The following CCDC85C variants were observed in gnomAD, a reference collection of about 807,000 sequenced individuals.
CCDC85C encodes the protein coiled-coil domain-containing protein 85C.
CCDC85C carries 18 observed loss-of-function variants against 38.3 expected under a neutral mutation model. The observed-to-expected ratio is 0.47, with a 90% CI of 0.33 to 0.70. The LOEUF (loss-of-function observed/expected upper bound fraction) is 0.70. CCDC85C is among the 30% of genes least tolerant of loss of function. The pLI is 0.03. For missense variants in CCDC85C, 566 were observed against 621.2 expected (o/e 0.91, Z 0.94); for synonymous variants, 264 against 293.8 (o/e 0.90, Z 1.04).
chr14:99,570,701 T>C (rs959764540), intron 1 of CCDC85C, among the ~76,000 whole-genome samples: 7 of 152,090 alleles, frequency 4.6e-5, no homozygotes, highest in Admixed American at 1.3e-4. Context: ...ATTCTCCTTA[T>C]CTAGATATTC....
rs1211339490 is a variant in CCDC85C, at chr14:99,503,717, GT to G, written c.*11528del. 6.7e-6 allele frequency: 9 copies of G among 1,333,962 alleles called. No individual in the cohort carries two copies. The highest frequency in any genetic ancestry group is 9.3e-6 in the Non-Finnish European group (9 of 962,780). 82.6% of individuals were successfully genotyped at this position (1,333,962 alleles called of 1,614,324 possible). ...AAACTTTAAATTCTTAGCCAACATT[GT>G]TTCTTTTCAGATCTAAATTGGCCTT... On this transcript the variant is annotated 3_prime_UTR_variant, in exon 6 of 6. Coordinates refer to ENST00000380243, the MANE Select transcript of CCDC85C (RefSeq NM_001144995.2).
At chr14:99,536,503 C>T (rs190391181) in intron 1 of CCDC85C, among the ~76,000 whole-genome samples, 4 of 152,184 alleles carry the variant, frequency 2.6e-5, no homozygotes, top group Admixed American at 6.5e-5. Flanking sequence ...ACAGCCAGGG[C>T]ACAGCCCACC....
At chr14:99,518,944 C>T (rs1465925630) in intron 3 of CCDC85C, among the ~76,000 whole-genome samples, 1 of 152,108 alleles carries the variant, frequency 6.6e-6, no homozygotes. Context: ...CAGGGCATTC[C>T]CGGGGTGCAG....
Position 99,510,714 on chromosome 14 carries a change from C to A in CCDC85C, c.*4532G>T. On this transcript the variant is annotated 3_prime_UTR_variant, in exon 6 of 6. Coordinates refer to ENST00000380243, the MANE Select transcript of CCDC85C (RefSeq NM_001144995.2). ...CCCCCCTGGAGGACAGCCTCCTGTG[C>A]CCCCGCCCATTCCCCCACCCGGCAT... The A allele has an allele frequency of 1.4e-6, 2 of 1,416,414 alleles. No homozygotes were observed. The highest frequency in any genetic ancestry group is 1.8e-6 in the Non-Finnish European group (2 of 1,083,886). 87.7% of individuals were successfully genotyped at this position (1,416,414 alleles called of 1,614,324 possible).
rs1897018899 is a variant in CCDC85C at position 99,508,029 on chromosome 14, C to T, written c.*7217G>A. ...GGTCGATACTCCGGAGGCTTCCAAG[C>T]CTCTGTCAGCAGCTCCTCCAGCCTG... On this transcript the variant is annotated 3_prime_UTR_variant, in exon 6 of 6. Transcript: ENST00000380243. 6.6e-6 allele frequency: 1 copy of T among 152,262 alleles called. No homozygotes were observed. Among genetic ancestry groups the T allele is most frequent in the Admixed American group, 6.5e-5 (1 of 15,288 alleles). 9.4% of individuals were successfully genotyped at this position (152,262 alleles called of 1,614,324 possible). A position where few individuals can be genotyped will look rare whatever the true frequency, so the allele number is the denominator to read the frequency against.
rs1896872592 is a variant in CCDC85C at position 99,502,932 on chromosome 14, C to T, written c.*12314G>A. The T allele has an allele frequency of 1.2e-6, 2 of 1,613,774 alleles. No individual in the cohort carries two copies. The highest frequency in any genetic ancestry group is 1.7e-5 in the Admixed American group (1 of 60,004). ...CAGCAGCAGCAGCCAGCCCAACAGC[C>T]CAAGAAACCCTCTCCGCAGCCCAGT... On this transcript the variant is annotated 3_prime_UTR_variant, in exon 6 of 6. Transcript: ENST00000380243.
intron 2 of CCDC85C, chr14:99,522,495 A>G: frequency 2.9e-6 from 1 of 341,672 alleles, no homozygotes; most frequent in East Asian, 5.8e-5. Context: ...GAATAAACAG[A>G]ATGAATGAAT....
intron 2 of CCDC85C, chr14:99,522,504 A>C: frequency 3.1e-6 from 1 of 325,120 alleles, no homozygotes; most frequent in Non-Finnish European, 5.6e-6. Context: ...GAATGAATGA[A>C]TGAATGAAGA....
At chr14:99,549,061 C>T (rs1330951500) in intron 1 of CCDC85C, among the ~76,000 whole-genome samples, 1 of 152,158 alleles carries the variant, frequency 6.6e-6, no homozygotes, top group Non-Finnish European at 1.5e-5. Flanking sequence ...GGATGACACA[C>T]AGGGTGCCTC....
At position 99,500,758 on chromosome 14, in the gene CCDC85C, AT is replaced by A; in HGVS notation, c.*14487del. On this transcript the variant is annotated 3_prime_UTR_variant, in exon 6 of 6. Transcript: ENST00000380243. ...ATTACTGTCCTAACATTTGTGATTG[AT>A]TTTTAGGAGGAAGTAATGGTTCTGG... 1 of 1,531,310 alleles carries A rather than the reference AT, an allele frequency of 6.5e-7. No homozygotes were observed. Among genetic ancestry groups the A allele is most frequent in the Non-Finnish European group, 8.9e-7 (1 of 1,125,844 alleles). The allele number at this position is 1,531,310 out of a possible 1,614,324, so 94.9% of individuals were successfully genotyped here. A position where few individuals can be genotyped will look rare whatever the true frequency, so the allele number is the denominator to read the frequency against.
At chr14:99,583,026 G>A (rs1048252266) in intron 1 of CCDC85C, 4 of 152,154 alleles carry the variant, frequency 2.6e-5, no homozygotes, top group Non-Finnish European at 5.9e-5. Flanking sequence ...AGGCTGGTCT[G>A]AGTGCAGTGG....
Position 99,545,532 on chromosome 14 carries a change from G to A in CCDC85C, c.794-9444C>T, listed in dbSNP as rs2139930782. Reference sequence around the variant, plus strand: ...GAATTCCTTCCCTGTGCCTTCAAGGGCTGCACGCATCTGGAAATTGACCTG... The same window carrying A: ...GAATTCCTTCCCTGTGCCTTCAAGGACTGCACGCATCTGGAAATTGACCTG... On this transcript the variant is annotated intron_variant, in intron 1 of 5. Coordinates refer to ENST00000380243, the MANE Select transcript of CCDC85C (RefSeq NM_001144995.2). The surrounding 1 kb of genome is among the most constrained non-coding windows in gnomAD (Gnocchi z 4.7). 2.6e-5 allele frequency among the ~76,000 whole-genome samples: 4 copies of A among 152,268 alleles called. No individual in the cohort carries two copies. In the Middle Eastern group the frequency reaches 0.014, roughly 518 times the overall value.
chr14:99,559,488 C>T (rs888613323), intron 1 of CCDC85C, among the ~76,000 whole-genome samples: 2 of 151,684 alleles, frequency 1.3e-5, no homozygotes, highest in Non-Finnish European at 2.9e-5. Flanking sequence ...AGACACACTT[C>T]GTCACCCACC....
intron 3 of CCDC85C, among the ~76,000 whole-genome samples, chr14:99,518,812 G>A (rs914477425): frequency 6.6e-6 from 1 of 152,208 alleles, no homozygotes; most frequent in Non-Finnish European, 1.5e-5. Flanking sequence ...GGAGCGTGGG[G>A]GTGGGCTGTG....
At position 99,517,195 on chromosome 14, in the gene CCDC85C, A is replaced by G; in HGVS notation, c.976-12T>C. 6.5e-7 allele frequency: 1 copy of G among 1,531,330 alleles called. No individual in the cohort carries two copies. Among genetic ancestry groups the G allele is most frequent in the Non-Finnish European group, 8.8e-7 (1 of 1,135,654 alleles). 94.9% of individuals were successfully genotyped at this position (1,531,330 alleles called of 1,614,324 possible). The stretch of plus-strand genomic sequence containing the variant: ...GGGCAGGCCGGGCCCTGGGGAAGGC[A>G]ATCACACATCTCAGCTCACCCTGGC... On this transcript the variant is annotated splice_polypyrimidine_tract_variant and intron_variant, in intron 3 of 5. Transcript: ENST00000380243.
Position 99,516,185 on chromosome 14 carries a change from CACG to C in CCDC85C, c.1170_1170+2del, listed in dbSNP as rs1566758382. 1 of 1,550,678 alleles carries C rather than the reference CACG, an allele frequency of 6.4e-7. No individual in the cohort carries two copies. ...CTCTGCCCCCCACCCCTGGAAGCCT[CACG>C]TTGCACATCTCGCGAACGATGGCCT... is the stretch of plus-strand genomic sequence containing the variant. On this transcript the variant is annotated splice_donor_variant and coding_sequence_variant, in exon 5 of 6. Transcript: ENST00000380243. LOFTEE classifies it high-confidence loss of function. This position sits in a 1 kb window ranked among gnomAD's most constrained non-coding sequence, Gnocchi z 5.5.
chr14:99,531,104 C>T (rs1280968172), intron 2 of CCDC85C, among the ~76,000 whole-genome samples: 1 of 152,146 alleles, frequency 6.6e-6, no homozygotes, highest in African/African-American at 2.4e-5. Context: ...TTTCAGCAGC[C>T]CTTTGGTACG....
At chr14:99,597,944 C>T (rs576429741) in intron 1 of CCDC85C, among the ~76,000 whole-genome samples, 60 of 152,334 alleles carry the variant, frequency 3.9e-4, no homozygotes, top group African/African-American at 1.4e-3. Flanking sequence ...ACATTATTAG[C>T]CTCAGGATAT....
At chr14:99,575,364 T>C (rs1436250666) in intron 1 of CCDC85C, among the ~76,000 whole-genome samples, 1 of 152,128 alleles carries the variant, frequency 6.6e-6, no homozygotes, top group Non-Finnish European at 1.5e-5. Flanking sequence ...GCCTACTGTC[T>C]ACCATCCAGA....
Sources: allele counts gnomAD v4.1 joint callset (sites outside exome capture counted in the v4.1 genomes callset), GRCh38; gene constraint gnomAD v4.1.1; non-coding constraint Gnocchi (gnomAD v3.1); transcripts MANE v1.5; gene names NCBI Gene and HGNC (gene_info 2026-07-23, HGNC 2026-07-21).